The following NRG3 variants were observed in gnomAD, a reference collection of about 807,000 sequenced individuals.
The protein encoded by NRG3 is neuregulin 3.
A neutral mutation model predicts 66.9 loss-of-function variants in NRG3; 31 were observed. The observed-to-expected ratio is 0.46, with a 90% CI of 0.35 to 0.63. NRG3 has a LOEUF of 0.63. Among genes scored for constraint, NRG3 ranks in the 20% least tolerant of loss-of-function variants. NRG3 has a pLI of 0.00. For missense variants in NRG3, 910 were observed against 878.9 expected (o/e 1.04, Z -0.45); for synonymous variants, 393 against 359.4 (o/e 1.09, Z -1.06).
chr10:82,333,918 G>A (rs1216411279), intron 1 of NRG3, among the ~76,000 whole-genome samples: 2 of 152,002 alleles, frequency 1.3e-5, no homozygotes, highest in Non-Finnish European at 2.9e-5. Flanking sequence ...AGCCGGGGGC[G>A]GTGACTCACG....
At chr10:81,900,306 G>A (rs142984506) in intron 1 of NRG3, among the ~76,000 whole-genome samples, 3 of 144,350 alleles carry the variant, frequency 2.1e-5, no homozygotes, top group South Asian at 4.4e-4. Flanking sequence ...GAGCCAATGC[G>A]CCTGGCCGGT....
At position 82,985,602 on chromosome 10, in the gene NRG3, G is replaced by C. The variant is rs769916200; in HGVS notation, c.2088G>C (p.Lys696Asn). 1 of 1,609,594 alleles carries C rather than the reference G, an allele frequency of 6.2e-7. No homozygotes were observed. Among genetic ancestry groups the C allele is most frequent in the Non-Finnish European group, 8.5e-7 (1 of 1,179,466 alleles). ...TACAAAGAGACTCTGCATTGACCAAGTGACTTGAGATGTAGGAATCTGTGC... is the reference window on the plus strand; with the variant it reads ...TACAAAGAGACTCTGCATTGACCAACTGACTTGAGATGTAGGAATCTGTGC... ...NEIQRDSALT[K>N] The change falls in exon 9 of 9, where the codon AAG (lysine) becomes AAC (asparagine). Residue 696 changes from lysine (K) to asparagine (N), a missense_variant. Transcript: ENST00000372141.
chr10:82,175,332 T>C (rs1400095846), intron 1 of NRG3, among the ~76,000 whole-genome samples: 1 of 152,164 alleles, frequency 6.6e-6, no homozygotes, highest in Admixed American at 6.6e-5. Flanking sequence ...AAAAAAACTT[T>C]AAAGGCTCAA....
At chr10:82,061,553 G>A (rs2064143179) in intron 1 of NRG3, among the ~76,000 whole-genome samples, 1 of 152,066 alleles carries the variant, frequency 6.6e-6, no homozygotes, top group Non-Finnish European at 1.5e-5. Flanking sequence ...CCCGTGCTGT[G>A]GTCATTGCTG....
intron 2 of NRG3, among the ~76,000 whole-genome samples, chr10:82,363,124 A>G (rs1364216481): frequency 1.3e-5 from 2 of 152,180 alleles, no homozygotes; most frequent in African/African-American, 4.8e-5. Flanking sequence ...AAGAATTAAA[A>G]CCCTGAAGAA....
At chr10:82,920,101 T>G (rs1412867581) in intron 4 of NRG3, among the ~76,000 whole-genome samples, 4 of 152,160 alleles carry the variant, frequency 2.6e-5, no homozygotes, top group African/African-American at 9.7e-5. Context: ...CTCAGGGACT[T>G]TTCTTGGACT....
Position 82,643,678 on chromosome 10 carries a change from T to C in NRG3, c.954-94899T>C, listed in dbSNP as rs543876042. 4.6e-5 allele frequency among the ~76,000 whole-genome samples: 7 copies of C among 152,282 alleles called. No homozygotes were observed. In the South Asian group the frequency reaches 1.5e-3, roughly 32 times the overall value. ...GTCTCCAAAATTTATCTGTTTTTCT[T>C]ACACTGATTATTAAATAGTCTAATC... On this transcript the variant is annotated intron_variant, in intron 2 of 8. Transcript: ENST00000372141.
intron 1 of NRG3, among the ~76,000 whole-genome samples, chr10:82,180,163 G>A (rs965697498): frequency 6.6e-6 from 1 of 151,396 alleles, no homozygotes; most frequent in Non-Finnish European, 1.5e-5. Context: ...ATCCTTAGGA[G>A]TTTCTTCATA....
intron 1 of NRG3, among the ~76,000 whole-genome samples, chr10:81,979,588 A>T (rs2060258895): frequency 6.6e-6 from 1 of 152,122 alleles, no homozygotes; most frequent in South Asian, 2.1e-4. Flanking sequence ...CAGCAATGTC[A>T]AATGTAGGTA....
intron 2 of NRG3, among the ~76,000 whole-genome samples, chr10:82,418,773 C>G (rs1263169252): frequency 6.7e-6 from 1 of 148,772 alleles, no homozygotes; most frequent in African/African-American, 2.5e-5. Context: ...ATATTTTTTT[C>G]TTTTTTTTTT....
In NRG3 at chr10:82,128,136, A is replaced by G. The variant is rs139476702; in HGVS notation, c.824-230603A>G. ...CTTCCTTCTACCCGTCGTGATTCCA[A>G]TGGAAGATAAAATGTGTGCTGGGAC... On this transcript the variant is annotated intron_variant, in intron 1 of 8. Transcript: ENST00000372141. 2.6e-3 allele frequency among the ~76,000 whole-genome samples: 390 copies of G among 152,060 alleles called. 2 individuals carry two copies. The highest frequency in any genetic ancestry group is 8.8e-3 in the African/African-American group (366 of 41,516).
chr10:82,225,085 T>A (rs1475544171), intron 1 of NRG3, among the ~76,000 whole-genome samples: 1 of 152,014 alleles, frequency 6.6e-6, no homozygotes, highest in East Asian at 1.9e-4. Flanking sequence ...TTGTTTCAAA[T>A]GTGTTTACTA....
chr10:82,204,712 T>C (rs1466748992), intron 1 of NRG3, among the ~76,000 whole-genome samples: 1 of 152,226 alleles, frequency 6.6e-6, no homozygotes, highest in East Asian at 1.9e-4. Flanking sequence ...CTCACCTATA[T>C]AAGAGATGTC....
chr10:82,132,093 G>C (rs1406188926), intron 1 of NRG3, among the ~76,000 whole-genome samples: 1 of 152,000 alleles, frequency 6.6e-6, no homozygotes, highest in Non-Finnish European at 1.5e-5. Context: ...TGGAGAAAGT[G>C]GGCATTCTTA....
intron 6 of NRG3, among the ~76,000 whole-genome samples, chr10:82,972,162 G>A (rs1564680821): frequency 6.6e-6 from 1 of 151,826 alleles, no homozygotes; most frequent in African/African-American, 2.4e-5. Context: ...ATTAATATTA[G>A]TTTAGTTTTT....
At chr10:82,725,528 C>T (rs974574711) in intron 2 of NRG3, among the ~76,000 whole-genome samples, 2 of 152,152 alleles carry the variant, frequency 1.3e-5, no homozygotes, top group South Asian at 2.1e-4. Flanking sequence ...AACGGGATAT[C>T]GTTATAGGAA....
At chr10:82,828,358 A>G (rs1418698431) in intron 3 of NRG3, among the ~76,000 whole-genome samples, 1 of 152,152 alleles carries the variant, frequency 6.6e-6, no homozygotes, top group East Asian at 1.9e-4. Context: ...AGGCTGAGAG[A>G]AGAATGCAGC....
Position 82,284,205 on chromosome 10 carries a change from G to C in NRG3, c.824-74534G>C, listed in dbSNP as rs142323777. 1.6e-3 allele frequency among the ~76,000 whole-genome samples: 240 copies of C among 152,330 alleles called. 8 individuals are homozygous for C. The East Asian group carries it at 0.045, about 29-fold the overall frequency. On this transcript the variant is annotated intron_variant, in intron 1 of 8. Coordinates refer to ENST00000372141, the MANE Select transcript of NRG3 (RefSeq NM_001010848.4). ...AGTGAAAAGGTACATGGCAAGTGAT[G>C]AATGGTCAGATGCTAATGCCAGCAA...
chr10:82,144,649 C>T (rs1489838592), intron 1 of NRG3, among the ~76,000 whole-genome samples: 1 of 152,190 alleles, frequency 6.6e-6, no homozygotes, highest in Non-Finnish European at 1.5e-5. Context: ...GAGATCAGTG[C>T]TCAGCCTTCC....
Sources: allele counts gnomAD v4.1 joint callset (sites outside exome capture counted in the v4.1 genomes callset), GRCh38; gene constraint gnomAD v4.1.1; transcripts MANE v1.5; gene names NCBI Gene and HGNC (gene_info 2026-07-23, HGNC 2026-07-21).